Variants in CACNB4 observed in about 807,000 individuals in gnomAD.
CACNB4 encodes the protein calcium voltage-gated channel auxiliary subunit beta 4.
In CACNB4, 32 loss-of-function variants were observed where a neutral mutation model predicts 71.2. That is an observed-to-expected ratio of 0.45 (90% CI 0.34 to 0.60). The LOEUF (loss-of-function observed/expected upper bound fraction) is 0.60, where lower values mean the gene tolerates loss of function less well. Ranked by LOEUF, CACNB4 falls within the 20% of genes least tolerant of loss-of-function variation. The pLI, the probability that CACNB4 is intolerant of heterozygous loss-of-function variation, is 0.01. For synonymous variants in CACNB4, 231 were observed against 236.9 expected (o/e 0.97, Z 0.23); for missense variants, 464 against 647.9 (o/e 0.72, Z 3.08).
intron 12 of CACNB4, among the ~76,000 whole-genome samples, chr2:151,849,214 T>C (rs968702397): frequency 1.3e-5 from 2 of 152,212 alleles, no homozygotes; most frequent in African/African-American, 4.8e-5. Flanking sequence ...CATTCCCTCA[T>C]GGAGATGAAG....
chr2:151,898,406 C>T (rs576134390), intron 2 of CACNB4, among the ~76,000 whole-genome samples: 2 of 152,268 alleles, frequency 1.3e-5, no homozygotes, highest in Admixed American at 6.5e-5. Context: ...AGCTGACCCA[C>T]ATACCAAAAT....
chr2:152,035,928 T>C (rs940561748), intron 2 of CACNB4, among the ~76,000 whole-genome samples: 7 of 152,294 alleles, frequency 4.6e-5, no homozygotes, highest in African/African-American at 7.2e-5. Flanking sequence ...GCAACCTAAA[T>C]GTCCATCTAT....
At chr2:151,880,643 T>C in intron 4 of CACNB4, 157 bp downstream of exon 4, 4 of 710,480 alleles carry the variant, frequency 5.6e-6, no homozygotes, top group Non-Finnish European at 9.5e-6. Flanking sequence ...GACTTCTCAA[T>C]CTTAATGAGA....
At chr2:152,014,731 A>C (rs76249260) in intron 2 of CACNB4, among the ~76,000 whole-genome samples, 1 of 84,366 alleles carries the variant, frequency 1.2e-5, no homozygotes, top group South Asian at 2.8e-4. Flanking sequence ...ACTCTGTCTC[A>C]AAAAAAAAAA....
intron 2 of CACNB4, among the ~76,000 whole-genome samples, chr2:152,061,726 T>C (rs1469648712): frequency 1.3e-5 from 2 of 151,568 alleles, no homozygotes; most frequent in African/African-American, 2.4e-5. Flanking sequence ...AAATAATGAT[T>C]AGGGGCCAGG....
intron 2 of CACNB4, among the ~76,000 whole-genome samples, chr2:151,942,280 A>G (rs1461396010): frequency 6.7e-6 from 1 of 149,160 alleles, no homozygotes; most frequent in African/African-American, 2.6e-5. Context: ...GAGGAACATA[A>G]ATTGTGAAGA....
chr2:152,095,032 T>C (rs1206354945), intron 2 of CACNB4, among the ~76,000 whole-genome samples: 1 of 152,244 alleles, frequency 6.6e-6, no homozygotes, highest in Non-Finnish European at 1.5e-5. Context: ...ACTTTGAAGA[T>C]CATTTCTGGG....
intron 2 of CACNB4, among the ~76,000 whole-genome samples, chr2:152,005,713 A>G (rs1375161584): frequency 6.6e-6 from 1 of 152,248 alleles, no homozygotes; most frequent in Non-Finnish European, 1.5e-5. Flanking sequence ...GTGCCATGAC[A>G]AAATAAATGA....
intron 2 of CACNB4, among the ~76,000 whole-genome samples, chr2:152,054,137 A>G (rs113888163): frequency 0.22 from 33,327 of 151,408 alleles, 4,847 homozygotes; most frequent in East Asian, 0.76. Flanking sequence ...GGAGGCCGAG[A>G]CGGGCAGATC....
At chr2:151,900,962 G>T (rs4347836) in intron 2 of CACNB4, among the ~76,000 whole-genome samples, 142,428 of 149,378 alleles carry the variant, frequency 0.95, 68,292 homozygotes, top group East Asian at 1. Flanking sequence ...GTATTTTTCA[G>T]GATTTTCTTT....
chr2:151,977,733 A>G (rs961876077), intron 2 of CACNB4, among the ~76,000 whole-genome samples: 1 of 152,220 alleles, frequency 6.6e-6, no homozygotes, highest in Non-Finnish European at 1.5e-5. Flanking sequence ...TTTCTCGGGA[A>G]TTTAACTTTT....
At chr2:152,060,697 C>G (rs1200292154) in intron 2 of CACNB4, among the ~76,000 whole-genome samples, 1 of 151,912 alleles carries the variant, frequency 6.6e-6, no homozygotes, top group Non-Finnish European at 1.5e-5. Flanking sequence ...ATTGGAAAAC[C>G]AAATCTCCAG....
chr2:151,856,910 A>G (rs2151364589), intron 10 of CACNB4: 1 of 152,200 alleles, frequency 6.6e-6, no homozygotes, highest in Non-Finnish European at 1.5e-5. Context: ...ACTGGGTCTC[A>G]CTAAGTTTCC....
At chr2:151,957,443 A>G (rs1206153966) in intron 2 of CACNB4, among the ~76,000 whole-genome samples, 1 of 139,180 alleles carries the variant, frequency 7.2e-6, no homozygotes, top group East Asian at 2.0e-4. Flanking sequence ...TCTTGAGGCA[A>G]GCAAGGGTAG....
rs531104034 is a variant in CACNB4 at position 151,875,259 on chromosome 2, A to G, written c.521+1167T>C. Among the ~76,000 whole-genome samples, 319 of 148,194 alleles carry G rather than the reference A, an allele frequency of 2.2e-3. 1 individual carries two copies. Among genetic ancestry groups the G allele is most frequent in the Admixed American group, 6.1e-3 (91 of 14,814 alleles). On this transcript the variant is annotated intron_variant, in intron 5 of 13. Transcript: ENST00000539935. ...GCACATCTTGCACCGCCCTTAATCC[A>G]TTTAACCCTGAGTGGACACAGCACA... is the stretch of plus-strand genomic sequence containing the variant.
At chr2:152,020,082 C>A (rs1345334495) in intron 2 of CACNB4, among the ~76,000 whole-genome samples, 2 of 152,206 alleles carry the variant, frequency 1.3e-5, no homozygotes, top group Non-Finnish European at 2.9e-5. Flanking sequence ...TGTGTACATT[C>A]CCAAATCAAT....
intron 2 of CACNB4, among the ~76,000 whole-genome samples, chr2:152,085,046 T>A (rs1382193780): frequency 2.0e-5 from 3 of 152,006 alleles, no homozygotes; most frequent in Non-Finnish European, 4.4e-5. Flanking sequence ...TAGTGCCACA[T>A]TAAAGAGATT....
chr2:151,867,084 T>G (rs1025088313), intron 9 of CACNB4: 1 of 152,244 alleles, frequency 6.6e-6, no homozygotes, highest in African/African-American at 2.4e-5. Context: ...CGTATAAGTA[T>G]GTTATAGACC....
At chr2:152,055,247 A>C (rs1381621712) in intron 2 of CACNB4, among the ~76,000 whole-genome samples, 1 of 152,194 alleles carries the variant, frequency 6.6e-6, no homozygotes, top group African/African-American at 2.4e-5. Flanking sequence ...CCTGACCTCA[A>C]GTGATCGGCC....
Sources: gnomAD v4.1 joint callset for allele counts (sites outside exome capture counted in the v4.1 genomes callset) on GRCh38, gnomAD v4.1.1 for gene constraint, MANE v1.5 for transcripts, NCBI Gene and HGNC (gene_info 2026-07-23, HGNC 2026-07-21) for gene names.